PDGFD: variants seen among roughly 807,000 people sequenced by gnomAD.
PDGFD encodes the protein platelet derived growth factor D.
In PDGFD, 30 loss-of-function variants were observed where a neutral mutation model predicts 44.7. The observed-to-expected ratio is 0.67, with a 90% CI of 0.50 to 0.91. The LOEUF (loss-of-function observed/expected upper bound fraction) is 0.91, where lower values mean the gene tolerates loss of function less well. Among genes scored for constraint, PDGFD ranks in the 40% least tolerant of loss-of-function variants. The pLI, the probability that PDGFD is intolerant of heterozygous loss-of-function variation, is 0.00. For missense variants in PDGFD, 445 were observed against 457.8 expected, an observed-to-expected ratio of 0.97 and a Z score of 0.25; for synonymous variants, 173 against 168.4, an observed-to-expected ratio of 1.03 and a Z score of -0.21.
At chr11:103,996,590 T>C (rs1859536782) in intron 2 of PDGFD, among the ~76,000 whole-genome samples, 1 of 152,208 alleles carries the variant, frequency 6.6e-6, no homozygotes, top group African/African-American at 2.4e-5. Context: ...GATGTAACTC[T>C]AGTTATAGGC....
intron 1 of PDGFD, among the ~76,000 whole-genome samples, chr11:104,087,321 G>A (rs533727139): frequency 6.6e-6 from 1 of 151,412 alleles, no homozygotes; most frequent in Non-Finnish European, 1.5e-5. Flanking sequence ...TCGGCCTCCT[G>A]CCTCAGCCTT....
intron 1 of PDGFD, among the ~76,000 whole-genome samples, chr11:104,159,162 A>G (rs1042366071): frequency 2.0e-5 from 3 of 151,760 alleles, no homozygotes; most frequent in Non-Finnish European, 4.4e-5. Flanking sequence ...TCAAAAAAAA[A>G]AAAAAAAAAA....
intron 1 of PDGFD, among the ~76,000 whole-genome samples, chr11:104,034,223 G>A (rs937213094): frequency 1.3e-5 from 2 of 151,726 alleles, no homozygotes; most frequent in Non-Finnish European, 1.5e-5. Flanking sequence ...TTCAATTTGT[G>A]TGTGTGCATG....
chr11:104,149,458 C>G (rs554079365), intron 1 of PDGFD, among the ~76,000 whole-genome samples: 2 of 151,900 alleles, frequency 1.3e-5, no homozygotes, highest in South Asian at 2.1e-4. Flanking sequence ...AATTATATAC[C>G]CAAGTTCGGT....
intron 1 of PDGFD, among the ~76,000 whole-genome samples, chr11:104,024,155 T>C (rs777678199): frequency 1.3e-5 from 2 of 152,076 alleles, no homozygotes; most frequent in African/African-American, 4.8e-5. Context: ...TAACTTGGCA[T>C]TGAGTATCGA....
intron 1 of PDGFD, among the ~76,000 whole-genome samples, chr11:104,101,135 T>C (rs1297820440): frequency 2.6e-5 from 4 of 152,116 alleles, no homozygotes; most frequent in African/African-American, 9.7e-5. Flanking sequence ...TAAAGGGTAT[T>C]CAATTAGGAA....
intron 1 of PDGFD, among the ~76,000 whole-genome samples, chr11:104,074,580 C>T (rs1860927193): frequency 6.6e-6 from 1 of 152,116 alleles, no homozygotes; most frequent in Non-Finnish European, 1.5e-5. Context: ...GTGGTACTGG[C>T]TCAGGCACAC....
chr11:104,095,711 T>C (rs968928170), intron 1 of PDGFD, among the ~76,000 whole-genome samples: 32 of 152,318 alleles, frequency 2.1e-4, no homozygotes, highest in African/African-American at 7.0e-4. Context: ...ACATGCTCCA[T>C]AGAAAAGTCT....
At chr11:104,092,650 T>C (rs1159377408) in intron 1 of PDGFD, among the ~76,000 whole-genome samples, 2 of 152,176 alleles carry the variant, frequency 1.3e-5, no homozygotes, top group African/African-American at 4.8e-5. Context: ...TATATATTAA[T>C]AGAGTCATAT....
intron 1 of PDGFD, among the ~76,000 whole-genome samples, chr11:104,078,253 C>T (rs1488643903): frequency 2.0e-5 from 3 of 152,134 alleles, no homozygotes; most frequent in Non-Finnish European, 4.4e-5. Context: ...CACATGTGCA[C>T]CATACAACAG....
At chr11:104,007,247 T>C (rs905478518) in intron 1 of PDGFD, among the ~76,000 whole-genome samples, 1 of 152,174 alleles carries the variant, frequency 6.6e-6, no homozygotes, top group East Asian at 1.9e-4. Context: ...ATTTCCAGTA[T>C]ACAATGACTA....
rs1010306080 is a variant in PDGFD at position 104,061,833 on chromosome 11, C to T, written c.125-61578G>A. On this transcript the variant is annotated intron_variant, in intron 1 of 6. Transcript: ENST00000393158. Reference sequence around the variant, plus strand: ...ATGTTGGCTAAGCTGGTCTTGAACGCCTGGCCTCAAGTGATCCGCCCGCCT... The same window carrying T: ...ATGTTGGCTAAGCTGGTCTTGAACGTCTGGCCTCAAGTGATCCGCCCGCCT... 2.6e-5 allele frequency among the ~76,000 whole-genome samples: 4 copies of T among 152,138 alleles called. No homozygotes were observed. In the East Asian group the frequency reaches 5.8e-4, roughly 22 times the overall value.
At chr11:104,108,420 C>T (rs967630017) in intron 1 of PDGFD, among the ~76,000 whole-genome samples, 3 of 151,978 alleles carry the variant, frequency 2.0e-5, no homozygotes, top group East Asian at 3.9e-4. Context: ...CAAAAGAAGA[C>T]ATTTATGCAG....
intron 1 of PDGFD, among the ~76,000 whole-genome samples, chr11:104,138,059 C>T (rs1862036871): frequency 6.6e-6 from 1 of 152,132 alleles, no homozygotes; most frequent in Non-Finnish European, 1.5e-5. Context: ...ACTTGCACCC[C>T]ATAACTTGAC....
chr11:103,932,465 T>G (rs1347359286), intron 5 of PDGFD, among the ~76,000 whole-genome samples: 1 of 152,210 alleles, frequency 6.6e-6, no homozygotes, highest in Non-Finnish European at 1.5e-5. Context: ...CCAATTACAA[T>G]GTGTTTATTG....
chr11:104,133,472 T>C (rs1239779036), intron 1 of PDGFD, among the ~76,000 whole-genome samples: 2 of 152,080 alleles, frequency 1.3e-5, no homozygotes, highest in Non-Finnish European at 2.9e-5. Flanking sequence ...CTAAGGAGAA[T>C]ACAATGAAGA....
chr11:103,921,153 C>T (rs1858209532), intron 6 of PDGFD, among the ~76,000 whole-genome samples: 2 of 152,158 alleles, frequency 1.3e-5, no homozygotes, highest in African/African-American at 4.8e-5. Flanking sequence ...GAAAACATCA[C>T]AGACCATGAG....
intron 1 of PDGFD, among the ~76,000 whole-genome samples, chr11:104,090,747 A>G (rs1861201316): frequency 3.3e-3 from 1 of 304 alleles, no homozygotes; most frequent in Non-Finnish European, 0.023. Context: ...TTACTGCAAT[A>G]GAGAAATAGC....
At chr11:103,978,249 T>C (rs968555980) in intron 3 of PDGFD, among the ~76,000 whole-genome samples, 1 of 152,006 alleles carries the variant, frequency 6.6e-6, no homozygotes, top group African/African-American at 2.4e-5. Context: ...GGGAAGAAAA[T>C]GGACAATCGA....
Sources: gnomAD v4.1 joint callset for allele counts (sites outside exome capture counted in the v4.1 genomes callset) on GRCh38, gnomAD v4.1.1 for gene constraint, MANE v1.5 for transcripts, NCBI Gene and HGNC (gene_info 2026-07-23, HGNC 2026-07-21) for gene names.